The following FDXR variants were observed in gnomAD, a reference collection of about 807,000 sequenced individuals.
FDXR encodes the protein ferredoxin reductase.
FDXR carries 38 observed loss-of-function variants against 58.3 expected under a neutral mutation model. That is an observed-to-expected ratio of 0.65 (90% CI 0.50 to 0.85). FDXR has a LOEUF of 0.85. Ranked by LOEUF, FDXR falls within the 40% of genes least tolerant of loss-of-function variation. FDXR has a pLI of 0.00. For missense variants in FDXR, 624 were observed against 671.0 expected (o/e 0.93, Z 0.77); for synonymous variants, 275 against 273.8 (o/e 1.00, Z -0.04).
chr17:74,868,671 G>A (rs2038275174), intron 2 of FDXR: 1 of 1,534,568 alleles, frequency 6.5e-7, no homozygotes, highest in Non-Finnish European at 8.7e-7. Context: ...TCTCGTGGCT[G>A]ACCTCATCTT....
Position 74,865,755 on chromosome 17 carries a change from C to T in FDXR, c.573G>A (p.Val191=). The T allele has an allele frequency of 3.1e-6, 5 of 1,613,422 alleles. No individual in the cohort carries two copies. The highest frequency in any genetic ancestry group is 4.2e-6 in the Non-Finnish European group (5 of 1,179,940). Residue 191 remains valine, a synonymous_variant, in exon 6 of 12, where the codon GTG becomes GTA. Transcript: ENST00000293195. ...CAGGTGGGGTCAGTAGGATGCGGGC[C>T]ACGTCCAGAGCCACGTTCCCCTGCC... ...ILGQGNVALD[V]ARILLTPPEH...
chr17:74,868,615 G>A, intron 2 of FDXR: 1 of 1,535,552 alleles, frequency 6.5e-7, no homozygotes, highest in Non-Finnish European at 8.7e-7. Flanking sequence ...CCTCTCCAGG[G>A]CCACCTCCGG....
chr17:74,868,554 C>T, intron 2 of FDXR: 11 of 1,533,932 alleles, frequency 7.2e-6, no homozygotes, highest in Non-Finnish European at 8.7e-6. Context: ...CCTCTCTGTC[C>T]TTATCTTCCA....
chr17:74,866,305 C>T, intron 4 of FDXR, 61 bp from the exon 5 acceptor site: 3 of 1,566,982 alleles, frequency 1.9e-6, no homozygotes, highest in Non-Finnish European at 1.7e-6. Flanking sequence ...ATAGGCCGGG[C>T]AGCCCCCCAG....
At chr17:74,865,615 C>G in intron 6 of FDXR, 104 bp downstream of exon 6, 1 of 745,764 alleles carries the variant, frequency 1.3e-6, no homozygotes, top group Non-Finnish European at 2.2e-6. Flanking sequence ...AACAGAGGCA[C>G]TGAGCCCAGC....
At chr17:74,866,338 C>A in intron 4 of FDXR, 94 bp from the exon 5 acceptor site, 1 of 1,570,800 alleles carries the variant, frequency 6.4e-7, no homozygotes, top group Non-Finnish European at 8.7e-7. Flanking sequence ...CTCCTTCCAG[C>A]TTCTCAGCAG....
In FDXR at chr17:74,864,576, G is replaced by A. The variant is rs750702385; in HGVS notation, c.718-12C>T. On this transcript the variant is annotated splice_polypyrimidine_tract_variant and intron_variant, in intron 7 of 11. Transcript: ENST00000293195. Reference sequence around the variant, plus strand: ...ATCTCCCGAAGCTCCTTGAAGGTGGGAGCAGGGAATGGGGGAGGAGGTCAG... The same window carrying A: ...ATCTCCCGAAGCTCCTTGAAGGTGGAAGCAGGGAATGGGGGAGGAGGTCAG... 7 of 1,612,390 alleles carry A rather than the reference G, an allele frequency of 4.3e-6. No individual in the cohort carries two copies. In the Admixed American group the frequency reaches 6.7e-5, roughly 15 times the overall value.
At chr17:74,864,587 G>A in intron 7 of FDXR, 23 bp from the exon 8 acceptor site, 2 of 1,603,526 alleles carry the variant, frequency 1.2e-6, no homozygotes, top group Non-Finnish European at 1.7e-6. Context: ...AGCAGGGAAT[G>A]GGGGAGGAGG....
chr17:74,872,508 A>G (rs2038407694), intron 1 of FDXR: 2 of 614,594 alleles, frequency 3.3e-6, no homozygotes, highest in Non-Finnish European at 5.7e-6. Flanking sequence ...CTCTCTCTCC[A>G]CAAAACGCTA....
At chr17:74,867,297 ACT>A (rs1421157831) in intron 2 of FDXR, among the ~76,000 whole-genome samples, 1 of 116,958 alleles carries the variant, frequency 8.6e-6, no homozygotes, top group African/African-American at 3.6e-5. Flanking sequence ...ACAGAGCAAG[ACT>A]CTGTCTCAAA....
At chr17:74,865,056 C>A (rs780295136) in intron 6 of FDXR, 125 bp from the exon 7 acceptor site, 25 of 1,341,702 alleles carry the variant, frequency 1.9e-5, no homozygotes, top group Non-Finnish European at 2.5e-5. Flanking sequence ...CACTGCTCCC[C>A]CCTGGTGGCC....
chr17:74,872,215 G>A, intron 1 of FDXR, 82 bp from the exon 2 acceptor site: 1 of 1,556,534 alleles, frequency 6.4e-7, no homozygotes, highest in South Asian at 1.2e-5. Flanking sequence ...TCCAACAGAA[G>A]CTGGAACTTC....
intron 3 of FDXR, 83 bp downstream of exon 3, chr17:74,866,701 G>T: frequency 6.3e-7 from 1 of 1,585,810 alleles, no homozygotes; most frequent in Non-Finnish European, 8.6e-7. Flanking sequence ...ATGAAGTCCT[G>T]TCATCCAGCC....
Position 74,863,340 on chromosome 17 carries a change from C to T in FDXR, c.1175-94G>A, listed in dbSNP as rs1010612109. 4.9e-6 allele frequency: 6 copies of T among 1,224,894 alleles called. No individual in the cohort carries two copies. The African/African-American group carries it at 5.9e-5, about 12-fold the overall frequency. 75.9% of individuals were successfully genotyped at this position (1,224,894 alleles called of 1,614,324 possible). On this transcript the variant is annotated intron_variant, in intron 10 of 11. Transcript: ENST00000293195. ...CAATCTACACCCACGTGCACGCACACAGACACCCCACGCCTCTTGGCAGAC... is the reference window on the plus strand; with the variant it reads ...CAATCTACACCCACGTGCACGCACATAGACACCCCACGCCTCTTGGCAGAC...
In FDXR at chr17:74,863,191, G is replaced by A; in HGVS notation, c.1230C>T (p.Thr410=). Reference sequence around the variant, plus strand: ...GGCCGGTGAGGAAGCTGTCAGTCATGGTTGTGGCTATGACACCTGTAGGTC... The same window carrying A: ...GGCCGGTGAGGAAGCTGTCAGTCATAGTTGTGGCTATGACACCTGTAGGTC... ...KRGPTGVIAT[T]MTDSFLTGQM... is the part of the protein sequence containing the mutation. The change falls in exon 11 of 12, where the codon ACC becomes ACT. Residue 410 remains threonine, a synonymous_variant. Coordinates refer to ENST00000293195, the MANE Select transcript of FDXR (RefSeq NM_024417.5). 6.2e-7 allele frequency: 1 copy of A among 1,613,812 alleles called. No individual in the cohort carries two copies. The highest frequency in any genetic ancestry group is 1.3e-5 in the African/African-American group (1 of 75,062).
Position 74,866,376 on chromosome 17 carries a change from C to T in FDXR, c.393+70G>A. 1.9e-6 allele frequency: 3 copies of T among 1,592,556 alleles called. No homozygotes were observed. In the South Asian group the frequency reaches 3.4e-5, roughly 18 times the overall value. ...TGCATCCTGGCCTCACCCCTGCTGC[C>T]TTCCACCCCGAGCCACCGGCCTCCT... On this transcript the variant is annotated intron_variant, in intron 4 of 11. Coordinates refer to ENST00000293195, the MANE Select transcript of FDXR (RefSeq NM_024417.5).
Position 74,863,262 on chromosome 17 carries a change from A to G in FDXR, c.1175-16T>C. ...CAGTAGAGGCCTGAGAGGGGGTAACAAAAGGGGAAGGGAGGGAGGTGGCTG... is the reference window on the plus strand; with the variant it reads ...CAGTAGAGGCCTGAGAGGGGGTAACGAAAGGGGAAGGGAGGGAGGTGGCTG... On this transcript the variant is annotated splice_polypyrimidine_tract_variant and intron_variant, in intron 10 of 11. Transcript: ENST00000293195. The G allele has an allele frequency of 6.2e-7, 1 of 1,606,742 alleles. No homozygotes were observed. The highest frequency in any genetic ancestry group is 8.5e-7 in the Non-Finnish European group (1 of 1,176,448).
rs1196398496 is a variant in FDXR at position 74,867,066 on chromosome 17, G to A, written c.178-190C>T. 12 of 1,295,200 alleles carry A rather than the reference G, an allele frequency of 9.3e-6. No individual in the cohort carries two copies. The East Asian group carries it at 2.8e-4, about 30-fold the overall frequency. The allele number at this position is 1,295,200 out of a possible 1,614,324, so 80.2% of individuals were successfully genotyped here. A position where few individuals can be genotyped will look rare whatever the true frequency, so the allele number is the denominator to read the frequency against. On this transcript the variant is annotated intron_variant, in intron 2 of 11. Coordinates refer to ENST00000293195, the MANE Select transcript of FDXR (RefSeq NM_024417.5). Reference sequence around the variant, plus strand: ...TCGCGCCTGTCAGCCCAGCACTTTGGGAGGCTGAGGCAGGTGGATAACCTG... The same window carrying A: ...TCGCGCCTGTCAGCCCAGCACTTTGAGAGGCTGAGGCAGGTGGATAACCTG...
chr17:74,868,966 G>A (rs1407866495), intron 2 of FDXR, among the ~76,000 whole-genome samples: 1 of 151,532 alleles, frequency 6.6e-6, no homozygotes, highest in African/African-American at 2.4e-5. Context: ...GCCCCAAACC[G>A]CTCCCCACTT....
Sources: gnomAD v4.1 joint callset for allele counts (sites outside exome capture counted in the v4.1 genomes callset) on GRCh38, gnomAD v4.1.1 for gene constraint, MANE v1.5 for transcripts, NCBI Gene and HGNC (gene_info 2026-07-23, HGNC 2026-07-21) for gene names.